ARHGEF28: variants seen among roughly 807,000 people sequenced by gnomAD.
ARHGEF28 encodes Rho guanine nucleotide exchange factor 28.
In ARHGEF28, 152 loss-of-function variants were observed where a neutral mutation model predicts 206.6. The observed-to-expected ratio is 0.74, with a 90% confidence interval of 0.64 to 0.84. The LOEUF (loss-of-function observed/expected upper bound fraction) is 0.84, where lower values mean the gene tolerates loss of function less well. Ranked by LOEUF, ARHGEF28 falls within the 40% of genes least tolerant of loss-of-function variation. The probability of loss-of-function intolerance (pLI) is 0.00; values close to 1 mark genes in which losing one functional copy is unlikely to be tolerated. For synonymous variants in ARHGEF28, 763 were observed against 776.4 expected, an observed-to-expected ratio of 0.98 and a Z score of 0.29; for missense variants, 2,028 against 2,073.2, an observed-to-expected ratio of 0.98 and a Z score of 0.42.
intron 2 of ARHGEF28, among the ~76,000 whole-genome samples, chr5:73,719,903 T>C (rs1380070798): frequency 6.6e-6 from 1 of 152,220 alleles, no homozygotes; most frequent in African/African-American, 2.4e-5. Context: ...ACACTGGGGA[T>C]TTTATCTCTA....
chr5:73,883,934 A>C, intron 24 of ARHGEF28, 50 bp downstream of exon 24: 1 of 1,234,862 alleles, frequency 8.1e-7, no homozygotes, highest in Non-Finnish European at 1.1e-6. Flanking sequence ...TTAGTTTTAA[A>C]CACAGTTGAG....
intron 29 of ARHGEF28, among the ~76,000 whole-genome samples, chr5:73,897,550 TACTA>T (rs1201627005): frequency 1.1e-4 from 17 of 152,266 alleles, no homozygotes; most frequent in Admixed American, 1.1e-3. Flanking sequence ...GGTATATTTA[TACTA>T]ACTGAATGAC....
intron 3 of ARHGEF28, among the ~76,000 whole-genome samples, chr5:73,750,833 T>A (rs547835008): frequency 1.9e-4 from 29 of 152,280 alleles, no homozygotes; most frequent in Admixed American, 1.4e-3. Context: ...ATAAAGAGAC[T>A]CTTTAATTTT....
chr5:73,841,060 A>T (rs927099356), intron 11 of ARHGEF28, among the ~76,000 whole-genome samples: 4 of 152,218 alleles, frequency 2.6e-5, no homozygotes, highest in African/African-American at 9.6e-5. Context: ...ATTCCTGCAT[A>T]AAGATGATAG....
chr5:73,904,292 C>T, intron 32 of ARHGEF28, 32 bp downstream of exon 32: 2 of 1,613,298 alleles, frequency 1.2e-6, no homozygotes, highest in Non-Finnish European at 1.7e-6. Flanking sequence ...AAATGTATCA[C>T]CAGCCTTTAT....
intron 2 of ARHGEF28, among the ~76,000 whole-genome samples, chr5:73,732,380 A>G (rs1750672679): frequency 6.6e-6 from 1 of 151,400 alleles, no homozygotes; most frequent in Non-Finnish European, 1.5e-5. Flanking sequence ...AGGTTCCTTC[A>G]TGTCTTTTCA....
At chr5:73,768,660 G>T (rs1318260581) in intron 4 of ARHGEF28, among the ~76,000 whole-genome samples, 2 of 152,086 alleles carry the variant, frequency 1.3e-5, no homozygotes, top group African/African-American at 4.8e-5. Flanking sequence ...GGCAGAAGGG[G>T]CTTGCCTTGT....
rs1478453 is a variant in ARHGEF28 at position 73,911,547 on chromosome 5, T to C, written c.4920T>C (p.His1640=). The C allele has an allele frequency of 6.2e-7, 1 of 1,608,116 alleles. No homozygotes were observed. The highest frequency in any genetic ancestry group is 2.2e-5 in the East Asian group (1 of 44,798). The change falls in exon 35 of 36, where the codon CAT becomes CAC. Residue 1640 remains histidine (H), a synonymous_variant. Transcript: ENST00000513042. The stretch of plus-strand genomic sequence containing the variant: ...CCGGCCATCAGATACTTCCTTTCCA[T>C]GAAAGCAGCAAGGATTCTTGTAAAA... The part of the protein sequence containing the change: ...AGSGHQILPF[H]ESSKDSCKND...
intron 26 of ARHGEF28, among the ~76,000 whole-genome samples, chr5:73,889,806 G>A (rs1281870488): frequency 6.6e-6 from 1 of 152,246 alleles, no homozygotes; most frequent in Admixed American, 6.5e-5. Flanking sequence ...GTAGTGAAAA[G>A]TGAGTCTGTG....
intron 2 of ARHGEF28, among the ~76,000 whole-genome samples, chr5:73,710,374 G>T (rs1005757260): frequency 4.6e-5 from 7 of 152,124 alleles, no homozygotes; most frequent in Admixed American, 4.6e-4. Flanking sequence ...TGTCTGCTCA[G>T]ATATTTTACT....
At chr5:73,825,892 A>G (rs181231882) in intron 9 of ARHGEF28, among the ~76,000 whole-genome samples, 1 of 152,208 alleles carries the variant, frequency 6.6e-6, no homozygotes, top group East Asian at 1.9e-4. Context: ...GGATAGTGTG[A>G]CTCAGGGGAG....
chr5:73,691,907 C>G (rs1433075017), intron 2 of ARHGEF28, among the ~76,000 whole-genome samples: 2 of 152,180 alleles, frequency 1.3e-5, no homozygotes, highest in Non-Finnish European at 2.9e-5. Context: ...ATACTTTCAT[C>G]TCTATGGGAT....
intron 2 of ARHGEF28, among the ~76,000 whole-genome samples, chr5:73,713,952 A>G (rs1165841645): frequency 6.6e-6 from 1 of 152,220 alleles, no homozygotes; most frequent in Non-Finnish European, 1.5e-5. Context: ...TTAATTTATC[A>G]TCAGGGAAAA....
At position 73,858,219 on chromosome 5, in the gene ARHGEF28, A is replaced by G. The variant is rs370604135; in HGVS notation, c.2047A>G (p.Asn683Asp). 6.3e-6 allele frequency: 10 copies of G among 1,585,222 alleles called. No individual in the cohort carries two copies. Among genetic ancestry groups the G allele is most frequent in the South Asian group, 2.3e-5 (2 of 85,188 alleles). ...GGGGAAAGAGTCACTGCAGTGTTCT[A>G]GTAAGTTCTCAGGTCTATGTGCGCT... ...LLGKESLQCS[N>D]CNANVHKGCK... Residue 683 changes from asparagine to aspartate, a missense_variant and splice_region_variant, in exon 16 of 36, where the codon AAC becomes GAC. This residue lies in a region of ARHGEF28 where 1,002 missense variants were observed against 1,015.3 expected (regional missense o/e 0.99). Transcript: ENST00000513042.
At chr5:73,856,272 G>T (rs1759027506) in intron 14 of ARHGEF28, among the ~76,000 whole-genome samples, 1 of 152,082 alleles carries the variant, frequency 6.6e-6, no homozygotes, top group African/African-American at 2.4e-5. Context: ...AAATTAAAAG[G>T]GTCTGAGATT....
At chr5:73,757,130 C>T (rs943901976) in intron 4 of ARHGEF28, among the ~76,000 whole-genome samples, 1 of 151,998 alleles carries the variant, frequency 6.6e-6, no homozygotes, top group Non-Finnish European at 1.5e-5. Context: ...CTCTTATGTG[C>T]TTATAGGTCT....
intron 2 of ARHGEF28, among the ~76,000 whole-genome samples, chr5:73,705,241 G>A (rs1198401579): frequency 6.6e-6 from 1 of 152,130 alleles, no homozygotes; most frequent in East Asian, 1.9e-4. Flanking sequence ...AGCAACCAAG[G>A]CAAGCAACCC....
At chr5:73,752,541 A>G (rs553354442) in intron 3 of ARHGEF28, among the ~76,000 whole-genome samples, 1 of 152,320 alleles carries the variant, frequency 6.6e-6, no homozygotes, top group Admixed American at 6.5e-5. Context: ...TCAGGAGGAA[A>G]TGGCAGAGTG....
chr5:73,822,009 C>G (rs1756624184), intron 9 of ARHGEF28, among the ~76,000 whole-genome samples: 2 of 152,140 alleles, frequency 1.3e-5, no homozygotes, highest in South Asian at 4.2e-4. Context: ...TGACTTCCCC[C>G]TATGTCTCTC....
Sources: allele counts gnomAD v4.1 joint callset (sites outside exome capture counted in the v4.1 genomes callset), GRCh38; gene constraint gnomAD v4.1.1; regional missense constraint gnomAD v4.1.1; transcripts MANE v1.5; gene names NCBI Gene and HGNC (gene_info 2026-07-23, HGNC 2026-07-21).